PPP3CA: variants seen among roughly 807,000 people sequenced by gnomAD.
PPP3CA encodes protein phosphatase 3 catalytic subunit alpha.
Under a neutral mutation model 66.5 loss-of-function variants are expected in PPP3CA, and 14 were observed. The ratio of observed to expected loss-of-function variants is 0.21; its 90% CI spans 0.14 to 0.33. The LOEUF (loss-of-function observed/expected upper bound fraction) is 0.33, where lower values mean the gene tolerates loss of function less well. PPP3CA is among the 10% of genes least tolerant of loss of function. The probability of loss-of-function intolerance (pLI) is 1.00; values close to 1 mark genes in which losing one functional copy is unlikely to be tolerated. For missense variants in PPP3CA, 317 were observed against 639.5 expected, an observed-to-expected ratio of 0.50 and a Z score of 5.44; for synonymous variants, 232 against 226.2, an observed-to-expected ratio of 1.03 and a Z score of -0.23.
At chr4:101,346,055 C>T (rs1729975875) in intron 1 of PPP3CA, among the ~76,000 whole-genome samples, 1 of 152,066 alleles carries the variant, frequency 6.6e-6, no homozygotes, top group African/African-American at 2.4e-5. Flanking sequence ...CAGGTCGTTC[C>T]CCGCCTCCCG....
intron 1 of PPP3CA, among the ~76,000 whole-genome samples, chr4:101,216,496 C>A (rs1725458535): frequency 6.6e-6 from 1 of 152,078 alleles, no homozygotes; most frequent in East Asian, 1.9e-4. Context: ...TAGAACTGCT[C>A]AATTGCTACA....
At chr4:101,198,180 C>T (rs2110192730) in intron 1 of PPP3CA, among the ~76,000 whole-genome samples, 1 of 152,224 alleles carries the variant, frequency 6.6e-6, no homozygotes, top group Non-Finnish European at 1.5e-5. Flanking sequence ...AAATTTGAGG[C>T]ATTTGGGGGT....
At chr4:101,028,304 A>G (rs1293067730) in intron 13 of PPP3CA, among the ~76,000 whole-genome samples, 1 of 152,188 alleles carries the variant, frequency 6.6e-6, no homozygotes, top group Non-Finnish European at 1.5e-5. Context: ...AATATTAAAA[A>G]CTATTTTGAT....
chr4:101,084,014 A>T (rs971766722), intron 6 of PPP3CA, among the ~76,000 whole-genome samples: 1 of 152,224 alleles, frequency 6.6e-6, no homozygotes, highest in African/African-American at 2.4e-5. Context: ...CTTCATTATA[A>T]ATGAAATTCA....
At chr4:101,332,424 G>A (rs945088463) in intron 1 of PPP3CA, among the ~76,000 whole-genome samples, 4 of 152,114 alleles carry the variant, frequency 2.6e-5, no homozygotes, top group African/African-American at 4.8e-5. Context: ...ACAACCTTTC[G>A]AGAAAAACAA....
At chr4:101,104,366 T>G (rs1730567470) in intron 3 of PPP3CA, among the ~76,000 whole-genome samples, 1 of 152,202 alleles carries the variant, frequency 6.6e-6, no homozygotes, top group Non-Finnish European at 1.5e-5. Flanking sequence ...GCTTTGATCT[T>G]CAGATTATAT....
chr4:101,054,175 G>C (rs1468211778), intron 10 of PPP3CA, among the ~76,000 whole-genome samples: 1 of 145,946 alleles, frequency 6.9e-6, no homozygotes, highest in African/African-American at 2.5e-5. Flanking sequence ...AACTGTACAG[G>C]CTATAACATC....
chr4:101,140,864 A>G (rs1034488731), intron 2 of PPP3CA, among the ~76,000 whole-genome samples: 1 of 152,176 alleles, frequency 6.6e-6, no homozygotes, highest in Non-Finnish European at 1.5e-5. Flanking sequence ...TAACAGAAAC[A>G]ATATTATCTG....
intron 2 of PPP3CA, among the ~76,000 whole-genome samples, chr4:101,135,326 G>A (rs1473160659): frequency 1.3e-5 from 2 of 151,844 alleles, no homozygotes; most frequent in East Asian, 3.9e-4. Context: ...TTTAGTCGTT[G>A]GTACATGCAA....
chr4:101,149,253 C>T (rs556266005), intron 2 of PPP3CA, among the ~76,000 whole-genome samples: 3 of 152,056 alleles, frequency 2.0e-5, no homozygotes, highest in Non-Finnish European at 4.4e-5. Context: ...AAAGAAGCTA[C>T]AAGTTAAACA....
intron 1 of PPP3CA, among the ~76,000 whole-genome samples, chr4:101,214,975 A>G (rs921781889): frequency 2.0e-5 from 3 of 152,022 alleles, no homozygotes; most frequent in African/African-American, 7.2e-5. Flanking sequence ...GGGAAACACT[A>G]TTCACTCTAA....
At chr4:101,248,087 A>T (rs1726547191) in intron 1 of PPP3CA, among the ~76,000 whole-genome samples, 1 of 152,224 alleles carries the variant, frequency 6.6e-6, no homozygotes, top group South Asian at 2.1e-4. Flanking sequence ...CAAAAATTCT[A>T]GTCTGGCCAC....
chr4:101,250,330 C>T (rs112213552), intron 1 of PPP3CA: 24 of 456,256 alleles, frequency 5.3e-5, no homozygotes, highest in African/African-American at 2.6e-4. Flanking sequence ...TATACTGTAC[C>T]TGTGGCTGTA....
At chr4:101,077,008 C>A (rs1215315925) in intron 8 of PPP3CA, among the ~76,000 whole-genome samples, 2 of 152,164 alleles carry the variant, frequency 1.3e-5, no homozygotes, top group Non-Finnish European at 2.9e-5. Context: ...GCTATGGCAT[C>A]TTGCAGAGCT....
chr4:101,213,745 A>AATTT (rs1725375963), intron 1 of PPP3CA, among the ~76,000 whole-genome samples: 1 of 152,178 alleles, frequency 6.6e-6, no homozygotes, highest in African/African-American at 2.4e-5. Context: ...TGGTAAAAAT[A>AATTT]ACACAGCTTG....
chr4:101,289,912 GTC>G (rs1353071268), intron 1 of PPP3CA, among the ~76,000 whole-genome samples: 2 of 139,528 alleles, frequency 1.4e-5, no homozygotes, highest in African/African-American at 2.7e-5. Context: ...GTGTGTGTGT[GTC>G]AGATGTTTAA....
intron 2 of PPP3CA, among the ~76,000 whole-genome samples, chr4:101,154,457 G>T (rs188938787): frequency 6.6e-6 from 1 of 152,278 alleles, no homozygotes; most frequent in African/African-American, 2.4e-5. Context: ...TTCCCAGATT[G>T]GTGGAAAGGG....
chr4:101,201,010 T>A (rs1724950982), intron 1 of PPP3CA, among the ~76,000 whole-genome samples: 2 of 152,210 alleles, frequency 1.3e-5, no homozygotes, highest in African/African-American at 2.4e-5. Flanking sequence ...AGCACTGTAT[T>A]TAGAAGACTT....
intron 2 of PPP3CA, among the ~76,000 whole-genome samples, chr4:101,148,294 T>C (rs7679884): frequency 0.016 from 2,390 of 152,196 alleles, 61 homozygotes; most frequent in African/African-American, 0.054. Context: ...TTTAAAATAA[T>C]TATATCAATT....
Sources: gnomAD v4.1 joint callset for allele counts (sites outside exome capture counted in the v4.1 genomes callset) on GRCh38, gnomAD v4.1.1 for gene constraint, MANE v1.5 for transcripts, NCBI Gene and HGNC (gene_info 2026-07-23, HGNC 2026-07-21) for gene names.